Variants in OXR1 observed in about 807,000 individuals in gnomAD.
OXR1 encodes oxidation resistance protein 1.
A neutral mutation model predicts 104.6 loss-of-function variants in OXR1; 41 were observed. The ratio of observed to expected loss-of-function variants is 0.39; its 90% CI spans 0.31 to 0.51. The LOEUF is 0.51. Among genes scored for constraint, OXR1 ranks in the 20% least tolerant of loss-of-function variants. OXR1 has a pLI of 0.77. For synonymous variants in OXR1, 348 were observed against 348.4 expected, an observed-to-expected ratio of 1.00 and a Z score of 0.01; for missense variants, 955 against 1,031.9, an observed-to-expected ratio of 0.93 and a Z score of 1.02.
intron 2 of OXR1, among the ~76,000 whole-genome samples, chr8:106,394,421 C>G (rs1218004320): frequency 6.6e-6 from 1 of 151,778 alleles, no homozygotes; most frequent in Non-Finnish European, 1.5e-5. Context: ...ATATCCACAC[C>G]AACACCTGTG....
intron 2 of OXR1, among the ~76,000 whole-genome samples, chr8:106,494,572 T>C (rs1447622744): frequency 6.6e-6 from 1 of 152,164 alleles, no homozygotes; most frequent in Non-Finnish European, 1.5e-5. Context: ...CAGTATGTAG[T>C]TGGCTTATGA....
At chr8:106,669,205 A>AG (rs1390570474) in intron 3 of OXR1, among the ~76,000 whole-genome samples, 2 of 152,200 alleles carry the variant, frequency 1.3e-5, no homozygotes, top group Non-Finnish European at 2.9e-5. Flanking sequence ...TCAGATAAAA[A>AG]AAAAGTGGAA....
chr8:106,483,196 A>G (rs561334162), intron 2 of OXR1, among the ~76,000 whole-genome samples: 1 of 152,146 alleles, frequency 6.6e-6, no homozygotes, highest in South Asian at 2.1e-4. Context: ...ACTTGAGGTT[A>G]TGGGCATTTC....
At chr8:106,335,326 G>T (rs572950711) in intron 1 of OXR1, among the ~76,000 whole-genome samples, 1 of 151,970 alleles carries the variant, frequency 6.6e-6, no homozygotes, top group African/African-American at 2.4e-5. Context: ...TTGATTTACG[G>T]GTCTGCCACT....
intron 2 of OXR1, among the ~76,000 whole-genome samples, chr8:106,500,800 G>A (rs1811760470): frequency 6.6e-6 from 1 of 152,216 alleles, no homozygotes; most frequent in Non-Finnish European, 1.5e-5. Flanking sequence ...ATGTGAATGT[G>A]CAACAAAATT....
chr8:106,328,733 A>G (rs10100376), intron 1 of OXR1, among the ~76,000 whole-genome samples: 9,493 of 152,292 alleles, frequency 0.062, 452 homozygotes, highest in African/African-American at 0.12. Context: ...AGGAATAGTA[A>G]CATAACAAGA....
chr8:106,704,585 A>G (rs773584032), intron 8 of OXR1, among the ~76,000 whole-genome samples: 1 of 151,260 alleles, frequency 6.6e-6, no homozygotes, highest in Non-Finnish European at 1.5e-5. Context: ...TTTAGTAGAG[A>G]CGGGGTTTCA....
intron 2 of OXR1, among the ~76,000 whole-genome samples, chr8:106,459,549 ATAAT>A (rs1351870915): frequency 6.6e-6 from 1 of 152,206 alleles, no homozygotes; most frequent in East Asian, 1.9e-4. Flanking sequence ...GAAAAAAAAA[ATAAT>A]TACTTCCTTC....
intron 2 of OXR1, among the ~76,000 whole-genome samples, chr8:106,374,314 A>G (rs1816825951): frequency 6.6e-6 from 1 of 152,054 alleles, no homozygotes; most frequent in Admixed American, 6.5e-5. Flanking sequence ...ACATTTATGC[A>G]TTTTCCTTCT....
intron 2 of OXR1, among the ~76,000 whole-genome samples, chr8:106,480,184 G>A (rs1353924383): frequency 6.6e-6 from 1 of 151,960 alleles, no homozygotes; most frequent in Non-Finnish European, 1.5e-5. Flanking sequence ...AAAGATGATG[G>A]AAAAGAGGAA....
chr8:106,527,381 C>T (rs1364709812), intron 3 of OXR1, among the ~76,000 whole-genome samples: 2 of 152,152 alleles, frequency 1.3e-5, no homozygotes, highest in African/African-American at 4.8e-5. Flanking sequence ...TAAAACCCGG[C>T]AGTGGTTCCC....
chr8:106,315,107 C>T (rs1052808640), intron 1 of OXR1, among the ~76,000 whole-genome samples: 15 of 151,620 alleles, frequency 9.9e-5, no homozygotes, highest in African/African-American at 3.4e-4. Flanking sequence ...GGGTCCTAGG[C>T]TTTTTAAGTT....
At chr8:106,314,245 G>A (rs1264517795) in intron 1 of OXR1, among the ~76,000 whole-genome samples, 2 of 152,092 alleles carry the variant, frequency 1.3e-5, no homozygotes, top group Non-Finnish European at 2.9e-5. Context: ...ACCTTTGTAG[G>A]TAATTTTCAC....
At chr8:106,307,225 C>T (rs1391950896) in intron 1 of OXR1, among the ~76,000 whole-genome samples, 1 of 152,114 alleles carries the variant, frequency 6.6e-6, no homozygotes, top group Non-Finnish European at 1.5e-5. Flanking sequence ...GGGCATGCCT[C>T]CTTTTCAGTA....
chr8:106,316,730 A>G (rs531864891), intron 1 of OXR1, among the ~76,000 whole-genome samples: 127 of 68,308 alleles, frequency 1.9e-3, no homozygotes, highest in African/African-American at 7.4e-3. Context: ...CTATCTATCT[A>G]TCTATCTATC....
At position 106,742,281 on chromosome 8, in the gene OXR1, A is replaced by G. The variant is rs769358952; in HGVS notation, c.2376A>G (p.Gly792=). 6.2e-7 allele frequency: 1 copy of G among 1,610,984 alleles called. No homozygotes were observed. Among genetic ancestry groups the G allele is most frequent in the Non-Finnish European group, 8.5e-7 (1 of 1,177,548 alleles). ...TGAGTGATGGCTTTTATGGTACTGG[A>G]GAGACCTTTGTTTTTACATTCTGTC... ...LKVSDGFYGT[G]ETFVFTFCPE... Residue 792 remains glycine (G), a synonymous_variant, in exon 15 of 17, where the codon GGA becomes GGG. Transcript: ENST00000517566.
At chr8:106,646,241 G>T (rs920524697) in intron 3 of OXR1, among the ~76,000 whole-genome samples, 2 of 151,870 alleles carry the variant, frequency 1.3e-5, no homozygotes, top group African/African-American at 4.8e-5. Context: ...AAGTAGCTGG[G>T]ATTACAGGTG....
intron 11 of OXR1, among the ~76,000 whole-genome samples, chr8:106,716,630 CAAAAAAAAAAAAAAA>C (rs760744812): frequency 1.4e-5 from 1 of 71,368 alleles, no homozygotes; most frequent in Non-Finnish European, 3.1e-5. Context: ...GACTCCGTCT[CAAAAAAAAAAAAAAA>C]AAAAAAAAAA....
chr8:106,365,717 GC>G (rs1563738786), intron 2 of OXR1, among the ~76,000 whole-genome samples: 1 of 152,118 alleles, frequency 6.6e-6, no homozygotes, highest in Non-Finnish European at 1.5e-5. Context: ...TGAGCTATGT[GC>G]CTTTAGAATA....
Sources: allele counts gnomAD v4.1 joint callset (sites outside exome capture counted in the v4.1 genomes callset), GRCh38; gene constraint gnomAD v4.1.1; transcripts MANE v1.5; gene names NCBI Gene and HGNC (gene_info 2026-07-23, HGNC 2026-07-21).